Variants in SESN2 observed in about 807,000 individuals in gnomAD.
SESN2 encodes sestrin-2.
A neutral mutation model predicts 56.0 loss-of-function variants in SESN2; 42 were observed. The observed-to-expected ratio is 0.75, with a 90% CI of 0.59 to 0.97. SESN2 has a LOEUF of 0.97. Ranked by LOEUF, SESN2 falls within the 50% of genes least tolerant of loss-of-function variation. The pLI is 0.00. For synonymous variants in SESN2, 264 were observed against 267.1 expected, an observed-to-expected ratio of 0.99 and a Z score of 0.11; for missense variants, 507 against 649.4, an observed-to-expected ratio of 0.78 and a Z score of 2.38.
In SESN2 at chr1:28,274,058, C is replaced by T; in HGVS notation, c.920C>T (p.Ser307Phe). 2 of 1,613,786 alleles carry T rather than the reference C, an allele frequency of 1.2e-6. No homozygotes were observed. Among genetic ancestry groups the T allele is most frequent in the Non-Finnish European group, 8.5e-7 (1 of 1,179,654 alleles). Residue 307 changes from serine (S) to phenylalanine (F), a missense_variant, in exon 7 of 10, where the codon TCT (serine) becomes TTT (phenylalanine). Physicochemically the swap from Ser to Phe is radical, Grantham distance 155. Coordinates refer to ENST00000253063, the MANE Select transcript of SESN2 (RefSeq NM_031459.5). ...VTPSADILEP[S>F]PHPDMLCFVE... ...TCCTCAGCTGACATCCTGGAGCCCT[C>T]TCCACACCCAGACATGCTGTGCTTT...
intron 2 of SESN2, among the ~76,000 whole-genome samples, chr1:28,270,168 G>A (rs1397501767): frequency 6.6e-6 from 1 of 152,084 alleles, no homozygotes; most frequent in Non-Finnish European, 1.5e-5. Context: ...TGGCTAACAC[G>A]GTGAAGCACC....
chr1:28,267,860 T>C (rs768640737), intron 1 of SESN2, among the ~76,000 whole-genome samples: 1 of 152,182 alleles, frequency 6.6e-6, no homozygotes, highest in Non-Finnish European at 1.5e-5. Context: ...ATTCACAGAC[T>C]AGTATGAATG....
chr1:28,278,879 G>A (rs1648137929), intron 8 of SESN2, among the ~76,000 whole-genome samples: 5 of 152,220 alleles, frequency 3.3e-5, no homozygotes, highest in Admixed American at 3.3e-4. Flanking sequence ...AATACAGCAT[G>A]CTCATTCTCT....
rs753504750 is a variant in SESN2, at chr1:28,259,951, G to A, written c.90+14G>A. 178 of 1,493,052 alleles carry A rather than the reference G, an allele frequency of 1.2e-4. 2 individuals are homozygous for A. In the South Asian group the frequency reaches 2.1e-3, roughly 18 times the overall value. The allele number at this position is 1,493,052 out of a possible 1,614,324, so 92.5% of individuals were successfully genotyped here. A position where few individuals can be genotyped will look rare whatever the true frequency, so the allele number is the denominator to read the frequency against. On this transcript the variant is annotated intron_variant, in intron 1 of 9. Transcript: ENST00000253063. Reference sequence around the variant, plus strand: ...GGCCCCGGAGAGGTAAGCGGCGGCCGCGCGACGCCCCTCTTCCCTGGAACC... The same window carrying A: ...GGCCCCGGAGAGGTAAGCGGCGGCCACGCGACGCCCCTCTTCCCTGGAACC...
At chr1:28,262,931 AAAAAC>A (rs1275548463) in intron 1 of SESN2, among the ~76,000 whole-genome samples, 2 of 152,162 alleles carry the variant, frequency 1.3e-5, no homozygotes, top group African/African-American at 2.4e-5. Flanking sequence ...CCGTCTCAAA[AAAAAC>A]AAAACAAAAC....
intron 1 of SESN2, among the ~76,000 whole-genome samples, chr1:28,264,376 T>C (rs1368521963): frequency 6.6e-6 from 1 of 152,084 alleles, no homozygotes; most frequent in African/African-American, 2.4e-5. Context: ...CTGGGGCCAT[T>C]ATCCTCTTTT....
At chr1:28,260,048 AGCGCGTAACCCGGGAC>A in intron 1 of SESN2, 111 bp downstream of exon 1, 1 of 787,220 alleles carries the variant, frequency 1.3e-6, no homozygotes, top group East Asian at 3.4e-5. Context: ...GGGAAAGCCG[AGCGCGTAACCCGGGAC>A]CCGGGTTGCA....
chr1:28,267,119 A>C (rs1196299882), intron 1 of SESN2, among the ~76,000 whole-genome samples: 1 of 152,106 alleles, frequency 6.6e-6, no homozygotes, highest in African/African-American at 2.4e-5. Context: ...CAGTTTGTGG[A>C]GTCAGCAATC....
Position 28,273,373 on chromosome 1 carries a change from C to G in SESN2, c.766C>G (p.Arg256Gly), listed in dbSNP as rs1308810212. The G allele has an allele frequency of 6.3e-7, 1 of 1,599,260 alleles. No homozygotes were observed. The highest frequency in any genetic ancestry group is 1.3e-5 in the African/African-American group (1 of 74,508). The change falls in exon 6 of 10, where the codon CGC becomes GGC. Residue 256 changes from arginine (R) to glycine (G), a missense_variant. Coordinates refer to ENST00000253063, the MANE Select transcript of SESN2 (RefSeq NM_031459.5). ...LNNSGGFESA[R>G]DVEALMERMQ... is the part of the protein sequence containing the mutation. The stretch of plus-strand genomic sequence containing the variant: ...TCTCCTGCAGGGCTTTGAGTCTGCC[C>G]GCGACGTGGAGGCGCTGATGGAGCG...
At chr1:28,274,528 CA>C (rs111581518) in intron 7 of SESN2, among the ~76,000 whole-genome samples, 9,409 of 134,938 alleles carry the variant, frequency 0.07, 415 homozygotes, top group African/African-American at 0.14. Flanking sequence ...GATCCTGTCT[CA>C]AAAAAAAAAA....
intron 1 of SESN2, 57 bp downstream of exon 1, chr1:28,259,994 C>G (rs1467251759): frequency 7.5e-7 from 1 of 1,328,654 alleles, no homozygotes. Flanking sequence ...GCGTCTGAGC[C>G]TCAGGCTGTC....
intron 6 of SESN2, 109 bp downstream of exon 6, chr1:28,273,617 G>A (rs779619122): frequency 3.2e-5 from 35 of 1,099,096 alleles, no homozygotes; most frequent in East Asian, 5.3e-5. Flanking sequence ...TCAACCTCCC[G>A]TCCAAGAGGT....
intron 1 of SESN2, among the ~76,000 whole-genome samples, chr1:28,268,965 C>G (rs929233038): frequency 3.3e-5 from 5 of 152,192 alleles, no homozygotes; most frequent in Non-Finnish European, 7.4e-5. Context: ...GGGTCCCAAC[C>G]CAGTTCCTGA....
intron 9 of SESN2, among the ~76,000 whole-genome samples, chr1:28,280,463 C>T (rs1430661444): frequency 1.3e-5 from 2 of 152,230 alleles, no homozygotes; most frequent in Admixed American, 6.5e-5. Context: ...GCCTTGGCCT[C>T]CCAAAGTGTT....
At position 28,273,317 on chromosome 1, in the gene SESN2, A is replaced by C. The variant is rs375467677; in HGVS notation, c.751-41A>C. 23 of 1,513,418 alleles carry C rather than the reference A, an allele frequency of 1.5e-5. No homozygotes were observed. The African/African-American group carries it at 2.9e-4, about 19-fold the overall frequency. The allele number at this position is 1,513,418 out of a possible 1,614,324, so 93.7% of individuals were successfully genotyped here. ...ATGAGTGGAGCTTCCCAGAGGCTGAAGGAGGAGGAGTAGCTGGTCACCACG... is the reference window on the plus strand; with the variant it reads ...ATGAGTGGAGCTTCCCAGAGGCTGACGGAGGAGGAGTAGCTGGTCACCACG... On this transcript the variant is annotated intron_variant, in intron 5 of 9. Coordinates refer to ENST00000253063, the MANE Select transcript of SESN2 (RefSeq NM_031459.5).
chr1:28,263,079 G>A (rs567699449), intron 1 of SESN2, among the ~76,000 whole-genome samples: 65 of 152,188 alleles, frequency 4.3e-4, no homozygotes, highest in Non-Finnish European at 8.2e-4. Context: ...GTCCCTTGCT[G>A]GAGATACCCT....
rs1449540775 is a variant in SESN2 at position 28,264,499 on chromosome 1, G to T, written c.90+4562G>T. On this transcript the variant is annotated intron_variant, in intron 1 of 9. Coordinates refer to ENST00000253063, the MANE Select transcript of SESN2 (RefSeq NM_031459.5). Reference sequence around the variant, plus strand: ...GAAATTATAAAAATACCCAACACTGGTTCTCCCTCTGTCCCACACTAGCTG... The same window carrying T: ...GAAATTATAAAAATACCCAACACTGTTTCTCCCTCTGTCCCACACTAGCTG... Among the ~76,000 whole-genome samples, 3 of 151,898 alleles carry T rather than the reference G, an allele frequency of 2.0e-5. No homozygotes were observed. In the South Asian group the frequency reaches 6.2e-4, roughly 32 times the overall value.
At chr1:28,269,081 C>T (rs1261294699) in intron 1 of SESN2, 102 bp from the exon 2 acceptor site, 27 of 747,808 alleles carry the variant, frequency 3.6e-5, no homozygotes, top group Admixed American at 2.7e-5. Flanking sequence ...GTGGGTTTAA[C>T]ACTTCAGTGT....
Position 28,280,967 on chromosome 1 carries a change from G to A in SESN2, c.*165G>A. 3.3e-6 allele frequency: 2 copies of A among 610,752 alleles called. No homozygotes were observed. The highest frequency in any genetic ancestry group is 5.9e-6 in the Non-Finnish European group (2 of 337,862). The allele number at this position is 610,752 out of a possible 1,614,324, so 37.8% of individuals were successfully genotyped here. A position where few individuals can be genotyped will look rare whatever the true frequency, so the allele number is the denominator to read the frequency against. ...CACCCTCCCTTTTCCTCACTGGAATGGACAGTTCATTGCACTGACTCTGGG... is the reference window on the plus strand; with the variant it reads ...CACCCTCCCTTTTCCTCACTGGAATAGACAGTTCATTGCACTGACTCTGGG... On this transcript the variant is annotated 3_prime_UTR_variant, in exon 10 of 10. Transcript: ENST00000253063.
Sources: allele counts gnomAD v4.1 joint callset (sites outside exome capture counted in the v4.1 genomes callset), GRCh38; gene constraint gnomAD v4.1.1; transcripts MANE v1.5; gene names NCBI Gene and HGNC (gene_info 2026-07-23, HGNC 2026-07-21).